DPYD: variants seen among roughly 807,000 people sequenced by gnomAD.
DPYD encodes the protein dihydropyrimidine dehydrogenase [NADP(+)].
DPYD carries 109 observed loss-of-function variants against 116.2 expected under a neutral mutation model. The ratio of observed to expected loss-of-function variants is 0.94; its 90% CI spans 0.80 to 1.10. The LOEUF (loss-of-function observed/expected upper bound fraction) is 1.10. Among genes scored for constraint, DPYD ranks in the 50% least tolerant of loss-of-function variants. The probability of loss-of-function intolerance (pLI) is 0.00; values close to 1 mark genes in which losing one functional copy is unlikely to be tolerated. For synonymous variants in DPYD, 440 were observed against 432.0 expected (o/e 1.02, Z -0.23); for missense variants, 1,302 against 1,254.5 (o/e 1.04, Z -0.57).
chr1:97,898,999 C>CT (rs1490094082), intron 1 of DPYD, among the ~76,000 whole-genome samples: 1 of 151,830 alleles, frequency 6.6e-6, no homozygotes, highest in Non-Finnish European at 1.5e-5. Flanking sequence ...GACTAATACA[C>CT]TAAGCATTCC....
At chr1:97,740,331 GATA>G in intron 4 of DPYD, 58 bp downstream of exon 4, 9 of 1,389,652 alleles carry the variant, frequency 6.5e-6, no homozygotes, top group Non-Finnish European at 9.2e-6. Flanking sequence ...TGTACCCACA[GATA>G]ATAGAGAACA....
At chr1:97,511,855 C>A (rs1193496043) in intron 13 of DPYD, among the ~76,000 whole-genome samples, 2 of 151,830 alleles carry the variant, frequency 1.3e-5, no homozygotes, top group Non-Finnish European at 2.9e-5. Context: ...CTCAAAAATT[C>A]TCTGCATTTT....
At chr1:97,783,930 T>C (rs189667378) in intron 3 of DPYD, among the ~76,000 whole-genome samples, 10 of 152,262 alleles carry the variant, frequency 6.6e-5, no homozygotes, top group East Asian at 1.9e-4. Flanking sequence ...CCCATGACAA[T>C]AGATGCTACC....
chr1:97,622,111 C>G (rs923825093), intron 8 of DPYD, among the ~76,000 whole-genome samples: 9 of 151,964 alleles, frequency 5.9e-5, no homozygotes, highest in African/African-American at 1.9e-4. Flanking sequence ...GCATAATTCC[C>G]CACTCATTAG....
chr1:97,198,473 G>C (rs1022748278), intron 19 of DPYD, among the ~76,000 whole-genome samples: 5 of 152,282 alleles, frequency 3.3e-5, no homozygotes, highest in African/African-American at 1.2e-4. Flanking sequence ...GCACCATTGA[G>C]AACAGCTTTG....
chr1:97,543,724 CTCCTCCT>C (rs1280558166), intron 12 of DPYD, among the ~76,000 whole-genome samples: 1 of 152,168 alleles, frequency 6.6e-6, no homozygotes, highest in East Asian at 1.9e-4. Flanking sequence ...GTTTTCTTAA[CTCCTCCT>C]TAAATGTATT....
At chr1:97,535,878 T>C (rs1649956735) in intron 12 of DPYD, among the ~76,000 whole-genome samples, 1 of 152,172 alleles carries the variant, frequency 6.6e-6, no homozygotes, top group Non-Finnish European at 1.5e-5. Flanking sequence ...TAATTGTTAA[T>C]AGAAAAAGTG....
chr1:97,434,794 C>T (rs1675379965), intron 14 of DPYD, among the ~76,000 whole-genome samples: 1 of 152,022 alleles, frequency 6.6e-6, no homozygotes, highest in Admixed American at 6.6e-5. Flanking sequence ...CTTAGCAGAA[C>T]AGTGGGGACT....
At chr1:97,743,256 T>A (rs1664365433) in intron 3 of DPYD, among the ~76,000 whole-genome samples, 1 of 152,100 alleles carries the variant, frequency 6.6e-6, no homozygotes, top group African/African-American at 2.4e-5. Context: ...CATTCCTTTT[T>A]CCTTTGGTGT....
chr1:97,782,150 T>G (rs929293377), intron 3 of DPYD, among the ~76,000 whole-genome samples: 1 of 152,204 alleles, frequency 6.6e-6, no homozygotes, highest in Non-Finnish European at 1.5e-5. Flanking sequence ...TTCTGTTCTC[T>G]CTCTTCCTCA....
At chr1:97,115,104 CA>C (rs1371009211) in intron 20 of DPYD, among the ~76,000 whole-genome samples, 2 of 152,102 alleles carry the variant, frequency 1.3e-5, no homozygotes, top group Non-Finnish European at 2.9e-5. Flanking sequence ...AAGTTACGGC[CA>C]AAGAAGTCAT....
chr1:97,579,385 C>T (rs1217781114), intron 10 of DPYD, among the ~76,000 whole-genome samples: 1 of 152,170 alleles, frequency 6.6e-6, no homozygotes, highest in African/African-American at 2.4e-5. Flanking sequence ...TATTAAACAT[C>T]CATCCCAATG....
intron 14 of DPYD, among the ~76,000 whole-genome samples, chr1:97,433,288 T>C (rs1277470428): frequency 6.6e-6 from 1 of 152,158 alleles, no homozygotes; most frequent in Non-Finnish European, 1.5e-5. Flanking sequence ...TGAAGTCCCA[T>C]GAGACGGTTG....
intron 11 of DPYD, among the ~76,000 whole-genome samples, chr1:97,566,924 A>G (rs570037330): frequency 6.6e-6 from 1 of 152,316 alleles, no homozygotes; most frequent in African/African-American, 2.4e-5. Context: ...AGTAAATCAA[A>G]TCAAACATAC....
At chr1:97,385,770 C>G (rs970270660) in intron 14 of DPYD, among the ~76,000 whole-genome samples, 1 of 152,196 alleles carries the variant, frequency 6.6e-6, no homozygotes, top group Middle Eastern at 3.4e-3. Context: ...AAATCCACAG[C>G]AGGGAAGCAA....
intron 8 of DPYD, among the ~76,000 whole-genome samples, chr1:97,618,032 T>C (rs371798013): frequency 5.9e-5 from 9 of 152,256 alleles, no homozygotes; most frequent in East Asian, 3.9e-4. Context: ...AGAAACCAAA[T>C]GGGCAAGTAT....
At chr1:97,168,052 C>T (rs557843483) in intron 20 of DPYD, among the ~76,000 whole-genome samples, 3 of 152,232 alleles carry the variant, frequency 2.0e-5, no homozygotes, top group East Asian at 3.9e-4. Context: ...GATGATAAAC[C>T]TAAAGTTTTT....
chr1:97,507,517 T>C (rs528788582), intron 13 of DPYD, among the ~76,000 whole-genome samples: 2 of 152,104 alleles, frequency 1.3e-5, no homozygotes, highest in South Asian at 4.1e-4. Context: ...ATCAGTTTTA[T>C]TTAATCTTTT....
intron 14 of DPYD, among the ~76,000 whole-genome samples, chr1:97,397,561 C>A (rs757273331): frequency 1.3e-5 from 2 of 151,970 alleles, no homozygotes; most frequent in Admixed American, 6.6e-5. Context: ...TCACTGATTT[C>A]TTTACTGTCA....
Sources: gnomAD v4.1 joint callset for allele counts (sites outside exome capture counted in the v4.1 genomes callset) on GRCh38, gnomAD v4.1.1 for gene constraint, MANE v1.5 for transcripts, NCBI Gene and HGNC (gene_info 2026-07-23, HGNC 2026-07-21) for gene names.